Variants in CELF3 observed in about 807,000 individuals in gnomAD.
CELF3 encodes the protein CUGBP Elav-like family member 3.
Under a neutral mutation model 59.6 loss-of-function variants are expected in CELF3, and 26 were observed. The observed-to-expected ratio is 0.44, with a 90% CI of 0.32 to 0.61. CELF3 has a LOEUF of 0.61. Among genes scored for constraint, CELF3 ranks in the 20% least tolerant of loss-of-function variants. The pLI is 0.06. For synonymous variants in CELF3, 245 were observed against 250.7 expected (o/e 0.98, Z 0.22); for missense variants, 387 against 627.2 (o/e 0.62, Z 4.09).
rs373299720 is a variant in CELF3 at position 151,703,194 on chromosome 1, C to G, written c.*265G>C. 4.4e-6 allele frequency: 2 copies of G among 459,110 alleles called. No homozygotes were observed. Among genetic ancestry groups the G allele is most frequent in the Non-Finnish European group, 4.4e-6 (1 of 228,528 alleles). The allele number at this position is 459,110 out of a possible 1,614,324, so 28.4% of individuals were successfully genotyped here. A position where few individuals can be genotyped will look rare whatever the true frequency, so the allele number is the denominator to read the frequency against. On this transcript the variant is annotated 3_prime_UTR_variant, in exon 13 of 13. Coordinates refer to ENST00000290583, the MANE Select transcript of CELF3 (RefSeq NM_007185.7). ...CAGAAGGCAGATACCCCGGAGCCTT[C>G]GAGCCTGTTCCTCGCTCCCTCACAA...
At chr1:151,703,982 C>T (rs1672300267) in intron 12 of CELF3, among the ~76,000 whole-genome samples, 1 of 152,084 alleles carries the variant, frequency 6.6e-6, no homozygotes, top group African/African-American at 2.4e-5. Flanking sequence ...AGAACACAGA[C>T]CACAGTCACC....
chr1:151,703,535 G>A (rs1484047904), intron 12 of CELF3, 87 bp from the exon 13 acceptor site: 6 of 327,562 alleles, frequency 1.8e-5, no homozygotes, highest in South Asian at 5.0e-5. Context: ...GGGCTGGGGT[G>A]AGTGACAGCA....
intron 1 of CELF3, among the ~76,000 whole-genome samples, chr1:151,715,456 C>A (rs1673397383): frequency 6.6e-6 from 1 of 152,116 alleles, no homozygotes; most frequent in Non-Finnish European, 1.5e-5. Context: ...GAACACCTGA[C>A]CCTGTGTCCT....
Position 151,715,997 on chromosome 1 carries a change from C to T in CELF3, c.24G>A (p.Lys8=). The change falls in exon 1 of 13, where the codon AAG becomes AAA. Residue 8 remains lysine, a synonymous_variant. Coordinates refer to ENST00000290583, the MANE Select transcript of CELF3 (RefSeq NM_007185.7). MKEPDAI[K]LFVGQIPRHL... ...GCCTCGGGATCTGCCCCACAAACAG[C>T]TTGATGGCATCCGGCTCCTTCATTG... The T allele has an allele frequency of 6.2e-7, 1 of 1,613,656 alleles. No homozygotes were observed. Among genetic ancestry groups the T allele is most frequent in the Non-Finnish European group, 8.5e-7 (1 of 1,179,704 alleles).
chr1:151,715,477 C>T (rs1673398799), intron 1 of CELF3: 2 of 574,760 alleles, frequency 3.5e-6, no homozygotes, highest in African/African-American at 3.8e-5. Context: ...GACCCCCATC[C>T]CAATATTATC....
Position 151,705,971 on chromosome 1 carries a change from T to C in CELF3, c.1127-6A>G. 1 of 1,613,690 alleles carries C rather than the reference T, an allele frequency of 6.2e-7. No homozygotes were observed. Among genetic ancestry groups the C allele is most frequent in the Non-Finnish European group, 8.5e-7 (1 of 1,179,780 alleles). On this transcript the variant is annotated splice_polypyrimidine_tract_variant and splice_region_variant and intron_variant, in intron 10 of 12. Coordinates refer to ENST00000290583, the MANE Select transcript of CELF3 (RefSeq NM_007185.7). The surrounding 1 kb of genome is among the most constrained non-coding windows in gnomAD (Gnocchi z 5.1). ...GATGTTGCAGCCATCAGGGCCTGGGTGGCGACAGAGACAGAAGAAAGAGCT... is the reference window on the plus strand; with the variant it reads ...GATGTTGCAGCCATCAGGGCCTGGGCGGCGACAGAGACAGAAGAAAGAGCT...
Position 151,705,631 on chromosome 1 carries a change from T to C in CELF3, c.1270+191A>G, listed in dbSNP as rs1672441629. ...TTTGGCCAGTTTTTAAGAGAAACGC[T>C]GAAGGAAGAAGAGATGGGCCGAGGC... On this transcript the variant is annotated intron_variant, in intron 11 of 12. Coordinates refer to ENST00000290583, the MANE Select transcript of CELF3 (RefSeq NM_007185.7). This position sits in a 1 kb window ranked among gnomAD's most constrained non-coding sequence, Gnocchi z 5.1. 6.6e-6 allele frequency among the ~76,000 whole-genome samples: 1 copy of C among 152,168 alleles called. No homozygotes were observed.
rs1226613817 is a variant in CELF3, at chr1:151,702,395, C to T, written c.*1064G>A. 6.6e-6 allele frequency: 1 copy of T among 152,118 alleles called. No individual in the cohort carries two copies. Among genetic ancestry groups the T allele is most frequent in the Non-Finnish European group, 1.5e-5 (1 of 68,024 alleles). 9.4% of individuals were successfully genotyped at this position (152,118 alleles called of 1,614,324 possible). On this transcript the variant is annotated 3_prime_UTR_variant, in exon 13 of 13. Coordinates refer to ENST00000290583, the MANE Select transcript of CELF3 (RefSeq NM_007185.7). The stretch of plus-strand genomic sequence containing the variant: ...CCCCTACCCTCAACCTTCCAAGACT[C>T]TTATTTGATGCTTTTAAACTTTTTT...
At chr1:151,714,705 G>C in intron 1 of CELF3, 29 bp from the exon 2 acceptor site, 1 of 1,480,658 alleles carries the variant, frequency 6.8e-7, no homozygotes. Flanking sequence ...AGAGAAACAC[G>C]GCGGGGGGTG....
chr1:151,712,279 C>T (rs946722466), intron 2 of CELF3, among the ~76,000 whole-genome samples: 10 of 152,196 alleles, frequency 6.6e-5, no homozygotes, highest in Admixed American at 6.5e-4. Context: ...ATAGCCGAGC[C>T]CCTCCACCAC....
chr1:151,714,057 C>G (rs1424782925), intron 2 of CELF3, among the ~76,000 whole-genome samples: 1 of 152,198 alleles, frequency 6.6e-6, no homozygotes, highest in African/African-American at 2.4e-5. Flanking sequence ...AGGCCCTGCT[C>G]TACCCTGATG....
At chr1:151,708,203 G>A (rs1558103389) in intron 5 of CELF3, 1 of 423,224 alleles carries the variant, frequency 2.4e-6, no homozygotes, top group Non-Finnish European at 4.2e-6. Flanking sequence ...GGGCATCATT[G>A]GCTACTCTGT....
At position 151,707,763 on chromosome 1, in the gene CELF3, G is replaced by C. The variant is rs188884015; in HGVS notation, c.630+29C>G. The C allele has an allele frequency of 5.4e-5, 86 of 1,607,454 alleles. No individual in the cohort carries two copies. The African/African-American group carries it at 9.3e-4, about 17-fold the overall frequency. On this transcript the variant is annotated intron_variant, in intron 6 of 12. Transcript: ENST00000290583. Reference sequence around the variant, plus strand: ...GGGCAAGATACAGGGGGTCAGGAGGGCTGGCCCGGCATCAGGGGCAGTGCT... The same window carrying C: ...GGGCAAGATACAGGGGGTCAGGAGGCCTGGCCCGGCATCAGGGGCAGTGCT...
In CELF3 at chr1:151,706,965, T is replaced by C. The variant is rs1308152; in HGVS notation, c.922+180A>G. Among the ~76,000 whole-genome samples, 63,880 of 152,068 alleles carry C rather than the reference T, an allele frequency of 0.42. 14,146 individuals are homozygous for C. Among genetic ancestry groups the C allele is most frequent in the East Asian group, 0.65 (3,335 of 5,164 alleles). On this transcript the variant is annotated intron_variant, in intron 8 of 12. Coordinates refer to ENST00000290583, the MANE Select transcript of CELF3 (RefSeq NM_007185.7). ...TGCAACCCTGGACAGGTCGCTTCAC[T>C]GCTCTACACCTCAGCTTCCTGGCCG...
rs1672065769 is a variant in CELF3 at position 151,701,362 on chromosome 1, C to T, written c.*2097G>A. 6.6e-6 allele frequency among the ~76,000 whole-genome samples: 1 copy of T among 152,162 alleles called. No individual in the cohort carries two copies. The highest frequency in any genetic ancestry group is 2.4e-5 in the African/African-American group (1 of 41,440). On this transcript the variant is annotated 3_prime_UTR_variant, in exon 13 of 13. Coordinates refer to ENST00000290583, the MANE Select transcript of CELF3 (RefSeq NM_007185.7). The stretch of plus-strand genomic sequence containing the variant: ...GTGTGATCCTGAGCCTGCCCTAAAG[C>T]AGCTCACAGAGAAGAATCTAGGAAG...
intron 9 of CELF3, 75 bp from the exon 10 acceptor site, chr1:151,706,436 T>G: frequency 6.9e-7 from 1 of 1,438,982 alleles, no homozygotes; most frequent in Non-Finnish European, 9.4e-7. Context: ...CCTGTCTCCC[T>G]TCCCCTAGCC....
chr1:151,705,547 C>T lies in CELF3; in HGVS notation c.1270+275G>A, dbSNP rs1196264294. On this transcript the variant is annotated intron_variant, in intron 11 of 12. Coordinates refer to ENST00000290583, the MANE Select transcript of CELF3 (RefSeq NM_007185.7). This position sits in a 1 kb window ranked among gnomAD's most constrained non-coding sequence, Gnocchi z 5.1. ...GCTAAAACCGACTCCCCAAGCCCAC[C>T]TTTTGCAAACCAAACATCCCCAGAC... Among the ~76,000 whole-genome samples, 1 of 152,102 alleles carries T rather than the reference C, an allele frequency of 6.6e-6. No homozygotes were observed. Among genetic ancestry groups the T allele is most frequent in the Admixed American group, 6.5e-5 (1 of 15,282 alleles).
At chr1:151,712,840 T>C (rs1209647351) in intron 2 of CELF3, among the ~76,000 whole-genome samples, 1 of 151,920 alleles carries the variant, frequency 6.6e-6, no homozygotes, top group Non-Finnish European at 1.5e-5. Flanking sequence ...TAGGAAGGCA[T>C]GGAGATTAAA....
intron 2 of CELF3, among the ~76,000 whole-genome samples, chr1:151,712,809 T>C (rs992135230): frequency 1.3e-5 from 2 of 152,126 alleles, no homozygotes; most frequent in Admixed American, 1.3e-4. Flanking sequence ...AAATGTCTGA[T>C]TTTTTTAAAA....
Sources: allele counts gnomAD v4.1 joint callset (sites outside exome capture counted in the v4.1 genomes callset), GRCh38; gene constraint gnomAD v4.1.1; non-coding constraint Gnocchi (gnomAD v3.1); transcripts MANE v1.5; gene names NCBI Gene and HGNC (gene_info 2026-07-23, HGNC 2026-07-21).